ARIH1: variants seen among roughly 807,000 people sequenced by gnomAD.
The protein encoded by ARIH1 is ariadne RBR E3 ubiquitin protein ligase 1.
In ARIH1, 8 loss-of-function variants were observed where a neutral mutation model predicts 85.0. The ratio of observed to expected loss-of-function variants is 0.09; its 90% CI spans 0.06 to 0.17. The LOEUF is 0.17. Among genes scored for constraint, ARIH1 ranks in the 10% least tolerant of loss-of-function variants. The pLI, the probability that ARIH1 is intolerant of heterozygous loss-of-function variation, is 1.00. For missense variants in ARIH1, 311 were observed against 718.1 expected, an observed-to-expected ratio of 0.43 and a Z score of 6.48; for synonymous variants, 238 against 253.6, an observed-to-expected ratio of 0.94 and a Z score of 0.59.
intron 10 of ARIH1, among the ~76,000 whole-genome samples, chr15:72,571,384 C>T (rs939026561): frequency 3.3e-5 from 5 of 152,192 alleles, no homozygotes; most frequent in Admixed American, 1.3e-4. Context: ...AGTCATTAGC[C>T]AAGTGCATGG....
chr15:72,485,427 G>T (rs1300250875), intron 1 of ARIH1, among the ~76,000 whole-genome samples: 1 of 152,184 alleles, frequency 6.6e-6, no homozygotes, highest in African/African-American at 2.4e-5. Context: ...TCCTGCTTTT[G>T]TAAGAAATCT....
At chr15:72,534,102 G>T (rs987307002) in intron 2 of ARIH1, among the ~76,000 whole-genome samples, 1 of 152,012 alleles carries the variant, frequency 6.6e-6, no homozygotes, top group African/African-American at 2.4e-5. Context: ...AAAACATAGT[G>T]AAAAGAAAAG....
At chr15:72,580,652 T>C in intron 11 of ARIH1, 79 bp from the exon 12 acceptor site, 1 of 1,348,726 alleles carries the variant, frequency 7.4e-7, no homozygotes, top group Admixed American at 2.3e-5. Flanking sequence ...GACTTCATTA[T>C]GGTTTTAATT....
rs1450390235 is a variant in ARIH1 at position 72,589,376 on chromosome 15, C to G, written c.*6084C>G. ...ACAATAATAAGCACACCAGTGCTAA[C>G]TTGGGCAAAAGATAAGGATACAGAG... is the stretch of plus-strand genomic sequence containing the variant. On this transcript the variant is annotated 3_prime_UTR_variant, in exon 14 of 14. Coordinates refer to ENST00000379887, the MANE Select transcript of ARIH1 (RefSeq NM_005744.5). 1.3e-5 allele frequency: 2 copies of G among 152,198 alleles called. No individual in the cohort carries two copies. The highest frequency in any genetic ancestry group is 2.9e-5 in the Non-Finnish European group (2 of 68,046). The allele number at this position is 152,198 out of a possible 1,614,324, so 9.4% of individuals were successfully genotyped here. A position where few individuals can be genotyped will look rare whatever the true frequency, so the allele number is the denominator to read the frequency against.
intron 3 of ARIH1, among the ~76,000 whole-genome samples, chr15:72,552,775 CTG>C (rs1567354272): frequency 1.4e-5 from 2 of 147,286 alleles, no homozygotes; most frequent in Non-Finnish European, 3.0e-5. Flanking sequence ...TGAGGGAGGC[CTG>C]TTTTTTTTTT....
At chr15:72,517,808 A>G (rs1200841127) in intron 1 of ARIH1, among the ~76,000 whole-genome samples, 1 of 152,124 alleles carries the variant, frequency 6.6e-6, no homozygotes, top group African/African-American at 2.4e-5. Context: ...CGGATTTACT[A>G]TAGTAACTTA....
intron 2 of ARIH1, among the ~76,000 whole-genome samples, chr15:72,519,156 AAAATT>A (rs2063987762): frequency 6.6e-6 from 1 of 152,172 alleles, no homozygotes; most frequent in African/African-American, 2.4e-5. Context: ...AATTTAATAA[AAAATT>A]AAACCTAGTT....
intron 11 of ARIH1, among the ~76,000 whole-genome samples, chr15:72,574,637 T>C (rs2064261918): frequency 6.6e-6 from 1 of 152,246 alleles, no homozygotes; most frequent in Non-Finnish European, 1.5e-5. Flanking sequence ...AGCAAACTTT[T>C]TCTGTGAAGA....
chr15:72,556,360 C>G (rs967657521), intron 5 of ARIH1, among the ~76,000 whole-genome samples: 2 of 152,152 alleles, frequency 1.3e-5, no homozygotes, highest in Admixed American at 1.3e-4. Context: ...TCTTTGGCAG[C>G]CCTGATGGGG....
chr15:72,567,042 C>G, intron 8 of ARIH1, 64 bp from the exon 9 acceptor site: 1 of 1,241,256 alleles, frequency 8.1e-7, no homozygotes, highest in Non-Finnish European at 1.2e-6. Context: ...TAGTTAAGTG[C>G]TAAAGTAATT....
intron 3 of ARIH1, among the ~76,000 whole-genome samples, chr15:72,550,757 C>T (rs901627347): frequency 2.6e-5 from 4 of 151,106 alleles, no homozygotes; most frequent in Admixed American, 6.6e-5. Flanking sequence ...CTGCAACCTC[C>T]GCCTCCCGGG....
chr15:72,519,979 C>G (rs1383314716), intron 2 of ARIH1, among the ~76,000 whole-genome samples: 1 of 152,076 alleles, frequency 6.6e-6, no homozygotes, highest in Non-Finnish European at 1.5e-5. Context: ...GAATTTTATC[C>G]TATAACACTG....
At chr15:72,526,474 A>G (rs964414509) in intron 2 of ARIH1, among the ~76,000 whole-genome samples, 5 of 152,254 alleles carry the variant, frequency 3.3e-5, no homozygotes, top group African/African-American at 1.2e-4. Flanking sequence ...TCAACCCTGC[A>G]ATTCTAGTGA....
At position 72,561,562 on chromosome 15, in the gene ARIH1, T is replaced by C; in HGVS notation, c.804+13T>C. On this transcript the variant is annotated intron_variant, in intron 6 of 13. Transcript: ENST00000379887. ...TAGCTTTGTAGAGGTAAGTGATTTGTTTTCCTTCTTGTAAGAAGGAATTCT... is the reference window on the plus strand; with the variant it reads ...TAGCTTTGTAGAGGTAAGTGATTTGCTTTCCTTCTTGTAAGAAGGAATTCT... The C allele has an allele frequency of 6.8e-7, 1 of 1,468,470 alleles. No homozygotes were observed. Among genetic ancestry groups the C allele is most frequent in the Non-Finnish European group, 9.3e-7 (1 of 1,069,858 alleles). The allele number at this position is 1,468,470 out of a possible 1,614,324, so 91.0% of individuals were successfully genotyped here.
intron 10 of ARIH1, among the ~76,000 whole-genome samples, chr15:72,571,129 CAAAAAAAAAAAAAAAA>C (rs56376097): frequency 4.6e-4 from 28 of 61,474 alleles, no homozygotes; most frequent in Middle Eastern, 0.012. Context: ...AACTGTGTCT[CAAAAAAAAAAAAAAAA>C]AAAAAAAAAA....
intron 3 of ARIH1, among the ~76,000 whole-genome samples, chr15:72,549,487 C>A (rs2064144186): frequency 6.6e-6 from 1 of 152,116 alleles, no homozygotes; most frequent in South Asian, 2.1e-4. Context: ...GGGTGGTCCA[C>A]CATCCCGTCC....
At chr15:72,538,260 A>G (rs2064091608) in intron 2 of ARIH1, among the ~76,000 whole-genome samples, 1 of 152,190 alleles carries the variant, frequency 6.6e-6, no homozygotes, top group Non-Finnish European at 1.5e-5. Context: ...GCTACTCCAG[A>G]GGCTGAGGCA....
intron 2 of ARIH1, among the ~76,000 whole-genome samples, chr15:72,518,440 C>T (rs2063984613): frequency 6.6e-6 from 1 of 152,110 alleles, no homozygotes; most frequent in African/African-American, 2.4e-5. Flanking sequence ...AGAAAAAAAG[C>T]ACCTGATAAC....
At chr15:72,525,877 G>A (rs972785982) in intron 2 of ARIH1, among the ~76,000 whole-genome samples, 1 of 151,760 alleles carries the variant, frequency 6.6e-6, no homozygotes, top group Non-Finnish European at 1.5e-5. Context: ...CTAGACACAA[G>A]CGATCCTCTC....
Sources: gnomAD v4.1 joint callset for allele counts (sites outside exome capture counted in the v4.1 genomes callset) on GRCh38, gnomAD v4.1.1 for gene constraint, MANE v1.5 for transcripts, NCBI Gene and HGNC (gene_info 2026-07-23, HGNC 2026-07-21) for gene names.